The following CFAP69 variants were observed in gnomAD, a reference collection of about 807,000 sequenced individuals.
The protein encoded by CFAP69 is cilia- and flagella-associated protein 69.
Under a neutral mutation model 123.0 loss-of-function variants are expected in CFAP69, and 92 were observed. The observed-to-expected ratio is 0.75, with a 90% CI of 0.63 to 0.89. CFAP69 has a LOEUF of 0.89. Among genes scored for constraint, CFAP69 ranks in the 40% least tolerant of loss-of-function variants. The pLI is 0.00. For synonymous variants in CFAP69, 380 were observed against 364.3 expected (o/e 1.04, Z -0.49); for missense variants, 1,067 against 1,096.9 (o/e 0.97, Z 0.39).
the CFAP69 span, chr7:90,316,408 T>C: frequency 1.3e-5 from 2 of 152,212 alleles, no homozygotes; most frequent in Non-Finnish European, 2.9e-5. Flanking sequence ...GAAATACATA[T>C]TGTCCCAATT....
intron 6 of CFAP69, among the ~76,000 whole-genome samples, chr7:90,270,839 G>C (rs939381128): frequency 6.6e-6 from 1 of 152,138 alleles, no homozygotes; most frequent in Non-Finnish European, 1.5e-5. Flanking sequence ...AGGAGAGATA[G>C]TATTTCTCAC....
Position 90,299,927 on chromosome 7 carries a change from C to A in CFAP69, c.1918C>A (p.Pro640Thr). 1 of 1,610,932 alleles carries A rather than the reference C, an allele frequency of 6.2e-7. No homozygotes were observed. The highest frequency in any genetic ancestry group is 8.5e-7 in the Non-Finnish European group (1 of 1,178,444). Reference sequence around the variant, plus strand: ...AATAATGGTTGAATTTTGTGATAATCCCAAAACTGCAGCTCATGTCAATGC... The same window carrying A: ...AATAATGGTTGAATTTTGTGATAATACCAAAACTGCAGCTCATGTCAATGC... ...LGIMVEFCDNPKTAAHVNAWQ... is the reference protein window; with the variant it reads ...LGIMVEFCDNTKTAAHVNAWQ... Residue 640 changes from proline (P) to threonine (T), a missense_variant, in exon 17 of 23, where the codon CCC (proline) becomes ACC (threonine). Physicochemically the swap from Pro to Thr is conservative, Grantham distance 38. Coordinates refer to ENST00000389297, the MANE Select transcript of CFAP69 (RefSeq NM_001039706.3).
intron 1 of CFAP69, among the ~76,000 whole-genome samples, chr7:90,246,962 G>A (rs1796408743): frequency 6.6e-6 from 1 of 151,832 alleles, no homozygotes; most frequent in Admixed American, 6.6e-5. Flanking sequence ...CATTACTACT[G>A]CTCTTTCCAG....
At chr7:90,295,768 CTGCTGGT>C (rs1017363761) in intron 15 of CFAP69, among the ~76,000 whole-genome samples, 2 of 152,194 alleles carry the variant, frequency 1.3e-5, no homozygotes, top group African/African-American at 4.8e-5. Flanking sequence ...GCCCTAAGGA[CTGCTGGT>C]TGCCCGTTTG....
intron 11 of CFAP69, 125 bp from the exon 12 acceptor site, chr7:90,279,552 T>C (rs551257715): frequency 1.7e-6 from 1 of 573,252 alleles, no homozygotes; most frequent in Non-Finnish European, 2.9e-6. Context: ...AGATTGGGGT[T>C]ATTTTATAAA....
At chr7:90,253,073 T>A (rs1438318817) in intron 1 of CFAP69, among the ~76,000 whole-genome samples, 1 of 152,226 alleles carries the variant, frequency 6.6e-6, no homozygotes. Flanking sequence ...GTAGGATTTT[T>A]TCGCTTTTGT....
intron 1 of CFAP69, among the ~76,000 whole-genome samples, chr7:90,249,987 T>C (rs1473949226): frequency 6.6e-6 from 1 of 152,232 alleles, no homozygotes; most frequent in Non-Finnish European, 1.5e-5. Flanking sequence ...ATCCTGTCAC[T>C]GTCAGTAATA....
At chr7:90,305,789 ATAG>A (rs1793499660) in intron 19 of CFAP69, among the ~76,000 whole-genome samples, 1 of 151,886 alleles carries the variant, frequency 6.6e-6, no homozygotes, top group Non-Finnish European at 1.5e-5. Context: ...TGATTAAAAG[ATAG>A]TAGGTTACTT....
chr7:90,264,130 T>A (rs183553141), intron 4 of CFAP69, among the ~76,000 whole-genome samples: 32,971 of 96,092 alleles, frequency 0.34, 9,233 homozygotes, highest in Non-Finnish European at 0.47. Context: ...TATATATATA[T>A]ATATATATAT....
intron 13 of CFAP69, among the ~76,000 whole-genome samples, chr7:90,285,751 C>T (rs948889182): frequency 1.3e-5 from 2 of 152,200 alleles, no homozygotes; most frequent in African/African-American, 4.8e-5. Context: ...CAAAGGCACT[C>T]ATTTCCTACC....
intron 1 of CFAP69, among the ~76,000 whole-genome samples, chr7:90,252,884 A>G (rs1375690928): frequency 6.6e-6 from 1 of 152,188 alleles, no homozygotes; most frequent in Non-Finnish European, 1.5e-5. Context: ...TACTAAAACT[A>G]AGACAATGAA....
intron 3 of CFAP69, among the ~76,000 whole-genome samples, chr7:90,259,470 GTGTTTGTTTGTT>G (rs71526680): frequency 1.5e-4 from 19 of 126,878 alleles, no homozygotes; most frequent in African/African-American, 3.1e-4. Flanking sequence ...TTGTTTTGGG[GTGTTTGTTTGTT>G]TGTTTGTTTG....
chr7:90,257,585 G>A (rs1285978991), intron 2 of CFAP69, among the ~76,000 whole-genome samples: 2 of 152,122 alleles, frequency 1.3e-5, no homozygotes, highest in Non-Finnish European at 2.9e-5. Flanking sequence ...ATCTCCATGA[G>A]AACAACTTTT....
At chr7:90,281,774 C>T (rs943190442) in intron 12 of CFAP69, among the ~76,000 whole-genome samples, 3 of 152,044 alleles carry the variant, frequency 2.0e-5, no homozygotes, top group Admixed American at 2.0e-4. Context: ...TACTGTAAAA[C>T]GTACAAATGT....
rs66750678 is a variant in CFAP69, at chr7:90,304,643, GTAGATAGATAGATAGA to G, written c.2189-71_2189-56del. ...TAACTTTGCATTTGTTTTTAGATAG[GTAGATAGATAGATAGA>G]TAGATAGATAGATAGATAGATAGAT... is the stretch of plus-strand genomic sequence containing the variant. On this transcript the variant is annotated intron_variant, in intron 18 of 22. Coordinates refer to ENST00000389297, the MANE Select transcript of CFAP69 (RefSeq NM_001039706.3). 6.2e-4 allele frequency: 796 copies of G among 1,279,962 alleles called. 3 individuals carry two copies. Among genetic ancestry groups the G allele is most frequent in the Middle Eastern group, 2.6e-3 (12 of 4,536 alleles). The allele number at this position is 1,279,962 out of a possible 1,614,324, so 79.3% of individuals were successfully genotyped here.
At chr7:90,315,133 A>G (rs1794682480), downstream of CFAP69, among the ~76,000 whole-genome samples, 1 of 152,128 alleles carries the variant, frequency 6.6e-6, no homozygotes, top group Admixed American at 6.5e-5. Context: ...CAGAGAAAAG[A>G]GAATGCTTAT....
chr7:90,298,656 TAAC>T (rs1221811023), intron 16 of CFAP69, among the ~76,000 whole-genome samples: 1 of 152,180 alleles, frequency 6.6e-6, no homozygotes, highest in Non-Finnish European at 1.5e-5. Flanking sequence ...AAAACAGAGA[TAAC>T]AACATTATAT....
At chr7:90,280,343 T>G (rs2106275) in intron 12 of CFAP69, among the ~76,000 whole-genome samples, 132,788 of 152,096 alleles carry the variant, frequency 0.87, 58,091 homozygotes, top group East Asian at 1. Context: ...GACTACAAGT[T>G]CATGCCACCA....
chr7:90,287,719 A>G lies in CFAP69; in HGVS notation c.1657-515A>G, dbSNP rs1790509463. 7.1e-6 allele frequency: 7 copies of G among 985,820 alleles called. No homozygotes were observed. The South Asian group carries it at 2.8e-4, about 40-fold the overall frequency. The allele number at this position is 985,820 out of a possible 1,614,324, so 61.1% of individuals were successfully genotyped here. A position where few individuals can be genotyped will look rare whatever the true frequency, so the allele number is the denominator to read the frequency against. On this transcript the variant is annotated intron_variant, in intron 14 of 22. Transcript: ENST00000389297. The stretch of plus-strand genomic sequence containing the variant: ...ATAATCATAATCTTGCTTACTGGGA[A>G]CCAGAACTGAACAGCAAGGCAATAA...
Sources: allele counts gnomAD v4.1 joint callset (sites outside exome capture counted in the v4.1 genomes callset), GRCh38; gene constraint gnomAD v4.1.1; transcripts MANE v1.5; gene names NCBI Gene and HGNC (gene_info 2026-07-23, HGNC 2026-07-21).